Variants in RAB31 observed in about 807,000 individuals in gnomAD.
RAB31 encodes the protein ras-related protein Rab-31.
A neutral mutation model predicts 25.6 loss-of-function variants in RAB31; 21 were observed. The ratio of observed to expected loss-of-function variants is 0.82; its 90% CI spans 0.58 to 1.18. The LOEUF (loss-of-function observed/expected upper bound fraction) is 1.18, where lower values mean the gene tolerates loss of function less well. Ranked by LOEUF, RAB31 falls within the 50% of genes most tolerant of loss-of-function variation. The pLI is 0.00. For missense variants in RAB31, 196 were observed against 250.1 expected, an observed-to-expected ratio of 0.78 and a Z score of 1.46; for synonymous variants, 87 against 84.0, an observed-to-expected ratio of 1.04 and a Z score of -0.20.
At chr18:9,733,925 T>G (rs192759799) in intron 1 of RAB31, among the ~76,000 whole-genome samples, 1 of 151,740 alleles carries the variant, frequency 6.6e-6, no homozygotes, top group Admixed American at 6.6e-5. Context: ...TTGGTAAAAA[T>G]AAGTGAATTT....
chr18:9,805,370 C>A (rs1267963553), intron 3 of RAB31, among the ~76,000 whole-genome samples: 2 of 151,864 alleles, frequency 1.3e-5, no homozygotes, highest in African/African-American at 4.8e-5. Context: ...AGGGCAGAAT[C>A]TTGTTTCCTT....
intron 1 of RAB31, among the ~76,000 whole-genome samples, chr18:9,730,124 T>G (rs1481426691): frequency 6.6e-6 from 1 of 152,252 alleles, no homozygotes; most frequent in Admixed American, 6.5e-5. Context: ...AGCATCGCTG[T>G]GGGTGTAGCT....
chr18:9,860,649 A>AG lies in RAB31; in HGVS notation c.*1329dup, dbSNP rs71712030. On this transcript the variant is annotated 3_prime_UTR_variant, in exon 7 of 7. Coordinates refer to ENST00000578921, the MANE Select transcript of RAB31 (RefSeq NM_006868.4). ...CTGATTTCCTGCCAGGGCTTATATT[A>AG]GGGGGTGATTCTTAAAGGACATTAG... 75,020 of 152,034 alleles carry AG rather than the reference A, an allele frequency of 0.49. 18,918 individuals carry two copies. The highest frequency in any genetic ancestry group is 0.68 in the East Asian group (3,538 of 5,174). The allele number at this position is 152,034 out of a possible 1,614,324, so 9.4% of individuals were successfully genotyped here. A position where few individuals can be genotyped will look rare whatever the true frequency, so the allele number is the denominator to read the frequency against.
At chr18:9,718,981 A>G (rs945147626) in intron 1 of RAB31, among the ~76,000 whole-genome samples, 4 of 151,874 alleles carry the variant, frequency 2.6e-5, no homozygotes, top group Non-Finnish European at 5.9e-5. Context: ...GCTAATTACA[A>G]TTTGAAGGCC....
intron 1 of RAB31, among the ~76,000 whole-genome samples, chr18:9,765,615 C>T (rs10502393): frequency 0.091 from 13,821 of 152,158 alleles, 702 homozygotes; most frequent in South Asian, 0.2. Flanking sequence ...GGAATTATTT[C>T]ATACCACCAA....
At position 9,757,200 on chromosome 18, in the gene RAB31, C is replaced by T. The variant is rs551116723; in HGVS notation, c.40-18078C>T. Among the ~76,000 whole-genome samples the T allele has an allele frequency of 1.7e-4, 26 of 152,184 alleles. No homozygotes were observed. In the South Asian group the frequency reaches 2.5e-3, roughly 15 times the overall value. ...AAGGGGATGCCTGGGAGTCAGAGCC[C>T]GAAGATCAGAGAAACATCTCAAAAC... On this transcript the variant is annotated intron_variant, in intron 1 of 6. Coordinates refer to ENST00000578921, the MANE Select transcript of RAB31 (RefSeq NM_006868.4).
rs2068149313 is a variant in RAB31 at position 9,736,001 on chromosome 18, TA to T, written c.39+27559del. Among the ~76,000 whole-genome samples, 8 of 152,250 alleles carry T rather than the reference TA, an allele frequency of 5.3e-5. No homozygotes were observed. The South Asian group carries it at 1.7e-3, about 32-fold the overall frequency. On this transcript the variant is annotated intron_variant, in intron 1 of 6. Coordinates refer to ENST00000578921, the MANE Select transcript of RAB31 (RefSeq NM_006868.4). ...ACAGACATGCACCACCAAGCCTGGC[TA>T]ATTTTTAAAATTTTTGCAGCGATGG...
At chr18:9,826,225 A>C (rs1339119689) in intron 5 of RAB31, among the ~76,000 whole-genome samples, 1 of 151,934 alleles carries the variant, frequency 6.6e-6, no homozygotes, top group African/African-American at 2.4e-5. Flanking sequence ...AAAATACAAA[A>C]ATTAGCCAGG....
chr18:9,803,038 G>C (rs1403236758), intron 3 of RAB31, among the ~76,000 whole-genome samples: 2 of 152,120 alleles, frequency 1.3e-5, no homozygotes, highest in Non-Finnish European at 2.9e-5. Context: ...GCAGGCATTG[G>C]AAATACAGTC....
intron 1 of RAB31, among the ~76,000 whole-genome samples, chr18:9,736,925 G>T (rs990520283): frequency 6.6e-6 from 1 of 152,024 alleles, no homozygotes; most frequent in African/African-American, 2.4e-5. Context: ...GGGTGGTAGG[G>T]GCAAGGACTC....
Position 9,775,281 on chromosome 18 carries a change from A to G in RAB31, c.43A>G (p.Thr15Ala). 1 of 1,613,762 alleles carries G rather than the reference A, an allele frequency of 6.2e-7. No homozygotes were observed. Among genetic ancestry groups the G allele is most frequent in the Non-Finnish European group, 8.5e-7 (1 of 1,179,794 alleles). ...TTGTATCCTCATTCTTTCCTAGGAC[A>G]CTGGGGTTGGGAAATCAAGCATCGT... ...RELKVCLLGDTGVGKSSIVCR... is the reference protein window; with the variant it reads ...RELKVCLLGDAGVGKSSIVCR... Residue 15 changes from threonine to alanine, a missense_variant, in exon 2 of 7, where the codon ACT (threonine) becomes GCT (alanine). Thr to Ala is a moderately conservative substitution (Grantham distance 58). Transcript: ENST00000578921.
intron 1 of RAB31, among the ~76,000 whole-genome samples, chr18:9,765,038 C>T (rs944661748): frequency 2.6e-5 from 4 of 151,980 alleles, no homozygotes; most frequent in African/African-American, 4.8e-5. Flanking sequence ...CGGCAACCTA[C>T]GCCTCCTGGG....
chr18:9,840,910 A>T (rs982650775), intron 5 of RAB31, among the ~76,000 whole-genome samples: 7 of 152,168 alleles, frequency 4.6e-5, no homozygotes, highest in Non-Finnish European at 1.0e-4. Flanking sequence ...TGTCAAAGGA[A>T]GGAATTACAA....
chr18:9,779,915 C>A (rs754590632), intron 2 of RAB31, among the ~76,000 whole-genome samples: 2 of 152,172 alleles, frequency 1.3e-5, no homozygotes, highest in African/African-American at 4.8e-5. Flanking sequence ...TGGCTCCTGC[C>A]TATAATCCCA....
intron 3 of RAB31, among the ~76,000 whole-genome samples, chr18:9,813,577 T>C (rs372479254): frequency 6.6e-6 from 1 of 152,242 alleles, no homozygotes. Flanking sequence ...TGGGGCCGGG[T>C]GCGGTAGCTC....
At chr18:9,745,692 C>T (rs1336714179) in intron 1 of RAB31, among the ~76,000 whole-genome samples, 1 of 152,106 alleles carries the variant, frequency 6.6e-6, no homozygotes, top group Non-Finnish European at 1.5e-5. Context: ...ACCACCTGAT[C>T]CTTTCAATTG....
chr18:9,779,362 C>T (rs2068390355), intron 2 of RAB31, among the ~76,000 whole-genome samples: 1 of 152,124 alleles, frequency 6.6e-6, no homozygotes, highest in African/African-American at 2.4e-5. Context: ...ATTTAGAGTC[C>T]AAAGTGCATG....
At chr18:9,792,967 A>AAAGAGTCT (rs760065297) in intron 3 of RAB31, among the ~76,000 whole-genome samples, 1 of 152,220 alleles carries the variant, frequency 6.6e-6, no homozygotes, top group Non-Finnish European at 1.5e-5. Flanking sequence ...TGCTGAAAAT[A>AAAGAGTCT]CTTATGGAGA....
At position 9,766,206 on chromosome 18, in the gene RAB31, G is replaced by A. The variant is rs1599029931; in HGVS notation, c.40-9072G>A. Among the ~76,000 whole-genome samples the A allele has an allele frequency of 6.6e-6, 1 of 152,142 alleles. No homozygotes were observed. Among genetic ancestry groups the A allele is most frequent in the Non-Finnish European group, 1.5e-5 (1 of 68,020 alleles). ...AGTAACCCTGGCCTGGATTGCTAAG[G>A]CCAGGGCCCGGGAGCTGGGCTCTCA... On this transcript the variant is annotated intron_variant, in intron 1 of 6. Coordinates refer to ENST00000578921, the MANE Select transcript of RAB31 (RefSeq NM_006868.4). The surrounding 1 kb of genome is among the most constrained non-coding windows in gnomAD (Gnocchi z 4.3).
Sources: allele counts gnomAD v4.1 joint callset (sites outside exome capture counted in the v4.1 genomes callset), GRCh38; gene constraint gnomAD v4.1.1; non-coding constraint Gnocchi (gnomAD v3.1); transcripts MANE v1.5; gene names NCBI Gene and HGNC (gene_info 2026-07-23, HGNC 2026-07-21).